The following ZDHHC14 variants were observed in gnomAD, a reference collection of about 807,000 sequenced individuals.
The protein encoded by ZDHHC14 is zDHHC palmitoyltransferase 14, also known as palmitoyltransferase ZDHHC14.
Under a neutral mutation model 47.7 loss-of-function variants are expected in ZDHHC14, and 16 were observed. That is an observed-to-expected ratio of 0.34 (90% CI 0.23 to 0.51). The LOEUF is 0.51. Among genes scored for constraint, ZDHHC14 ranks in the 20% least tolerant of loss-of-function variants. ZDHHC14 has a pLI of 0.97. For synonymous variants in ZDHHC14, 293 were observed against 278.9 expected, an observed-to-expected ratio of 1.05 and a Z score of -0.50; for missense variants, 515 against 662.5, an observed-to-expected ratio of 0.78 and a Z score of 2.44.
At chr6:157,611,749 A>G (rs1562507472) in intron 3 of ZDHHC14, among the ~76,000 whole-genome samples, 2 of 152,202 alleles carry the variant, frequency 1.3e-5, no homozygotes, top group Non-Finnish European at 2.9e-5. Context: ...AAAAGCCACA[A>G]GCGATTGCTT....
chr6:157,672,021 A>G (rs946664488), intron 8 of ZDHHC14, among the ~76,000 whole-genome samples: 2 of 152,110 alleles, frequency 1.3e-5, no homozygotes, highest in East Asian at 3.8e-4. Context: ...CTCCCGCCCC[A>G]GCAGCCACCA....
chr6:157,652,685 T>G (rs138913310), intron 7 of ZDHHC14, among the ~76,000 whole-genome samples: 2 of 152,192 alleles, frequency 1.3e-5, no homozygotes, highest in East Asian at 3.9e-4. Context: ...TCAAGAAGAA[T>G]TTTGCGCAGC....
chr6:157,594,054 G>A lies in ZDHHC14; in HGVS notation c.565+908G>A, dbSNP rs201795146. 5.3e-5 allele frequency among the ~76,000 whole-genome samples: 8 copies of A among 152,326 alleles called. No homozygotes were observed. In the South Asian group the frequency reaches 1.7e-3, roughly 32 times the overall value. Reference sequence around the variant, plus strand: ...CTGTTACCTCGTAACTGAAAGGATAGGAGTGCACCTCAGAACAAACCTAGC... The same window carrying A: ...CTGTTACCTCGTAACTGAAAGGATAAGAGTGCACCTCAGAACAAACCTAGC... On this transcript the variant is annotated intron_variant, in intron 3 of 8. Coordinates refer to ENST00000359775, the MANE Select transcript of ZDHHC14 (RefSeq NM_024630.3).
At chr6:157,588,802 A>G (rs984839364) in intron 2 of ZDHHC14, among the ~76,000 whole-genome samples, 1 of 152,118 alleles carries the variant, frequency 6.6e-6, no homozygotes, top group Non-Finnish European at 1.5e-5. Flanking sequence ...GGCACCCCAC[A>G]GTGGGGTTCT....
At chr6:157,625,647 C>T (rs1206368807) in intron 3 of ZDHHC14, among the ~76,000 whole-genome samples, 1 of 151,938 alleles carries the variant, frequency 6.6e-6, no homozygotes, top group Admixed American at 6.6e-5. Flanking sequence ...GTGAGAACTC[C>T]GGCCTGAGGA....
intron 8 of ZDHHC14, among the ~76,000 whole-genome samples, chr6:157,657,762 A>G (rs1016242814): frequency 1.3e-5 from 2 of 152,248 alleles, no homozygotes; most frequent in Non-Finnish European, 2.9e-5. Flanking sequence ...CCAGCCAGTG[A>G]TAAAAGCTGT....
intron 3 of ZDHHC14, among the ~76,000 whole-genome samples, chr6:157,598,511 C>T (rs968433186): frequency 2.6e-5 from 4 of 151,912 alleles, no homozygotes; most frequent in African/African-American, 9.7e-5. Context: ...AAGAGCAGAC[C>T]AAGGAGAACT....
chr6:157,384,998 T>C (rs1777283367), intron 1 of ZDHHC14, among the ~76,000 whole-genome samples: 1 of 152,234 alleles, frequency 6.6e-6, no homozygotes, highest in Non-Finnish European at 1.5e-5. Flanking sequence ...CCCAGGCTGG[T>C]CTTGAACTTC....
chr6:157,434,747 C>T (rs775026140), intron 1 of ZDHHC14, among the ~76,000 whole-genome samples: 6 of 152,092 alleles, frequency 3.9e-5, no homozygotes, highest in Non-Finnish European at 7.4e-5. Flanking sequence ...GGGGAGGAGC[C>T]GGACTTTTAA....
intron 5 of ZDHHC14, among the ~76,000 whole-genome samples, chr6:157,640,766 G>T (rs1777210238): frequency 6.6e-6 from 1 of 152,224 alleles, no homozygotes; most frequent in African/African-American, 2.4e-5. Flanking sequence ...TGGGAAGGAG[G>T]TTGTTTGCTT....
chr6:157,440,548 A>G (rs1015482231), intron 1 of ZDHHC14, among the ~76,000 whole-genome samples: 5 of 152,250 alleles, frequency 3.3e-5, no homozygotes, highest in African/African-American at 4.8e-5. Context: ...TAGCAATTCC[A>G]TTTCTAGGAA....
At chr6:157,434,242 T>A (rs71551113) in intron 1 of ZDHHC14, among the ~76,000 whole-genome samples, 87,078 of 148,928 alleles carry the variant, frequency 0.58, 26,502 homozygotes, top group African/African-American at 0.77. Flanking sequence ...ATATAATTCT[T>A]TTATATGTTG....
intron 1 of ZDHHC14, among the ~76,000 whole-genome samples, chr6:157,413,717 C>T (rs1379240186): frequency 2.0e-5 from 3 of 151,926 alleles, no homozygotes; most frequent in Admixed American, 2.0e-4. Context: ...AGCCTGTCTC[C>T]ATGGAGCCTC....
intron 2 of ZDHHC14, among the ~76,000 whole-genome samples, chr6:157,575,957 G>T (rs533027820): frequency 2.6e-5 from 4 of 152,190 alleles, no homozygotes; most frequent in Admixed American, 2.6e-4. Flanking sequence ...CCTGCGGCCC[G>T]CCCTGGCCCT....
chr6:157,407,958 C>A (rs1417980553), intron 1 of ZDHHC14, among the ~76,000 whole-genome samples: 1 of 152,052 alleles, frequency 6.6e-6, no homozygotes, highest in Admixed American at 6.5e-5. Flanking sequence ...TAAGTGCTGC[C>A]GTGTTGCTAG....
At chr6:157,589,191 A>G (rs1783813372) in intron 2 of ZDHHC14, among the ~76,000 whole-genome samples, 2 of 152,128 alleles carry the variant, frequency 1.3e-5, no homozygotes. Flanking sequence ...AGAGGGTGCA[A>G]GGGGAGGTGC....
rs137903666 is a variant in ZDHHC14 at position 157,432,583 on chromosome 6, A to T, written c.245+50317A>T. Among the ~76,000 whole-genome samples the T allele has an allele frequency of 1.7e-3, 260 of 152,260 alleles. 2 individuals are homozygous for T. Among genetic ancestry groups the T allele is most frequent in the African/African-American group, 6.0e-3 (251 of 41,540 alleles). On this transcript the variant is annotated intron_variant, in intron 1 of 8. Transcript: ENST00000359775. ...CGTTGCCTGGTAGCCTTCCAATAGG[A>T]GGTGGTTTCTTGGATCATTTCCATT...
intron 1 of ZDHHC14, among the ~76,000 whole-genome samples, chr6:157,465,581 C>T (rs984049598): frequency 6.6e-6 from 1 of 151,836 alleles, no homozygotes; most frequent in African/African-American, 2.4e-5. Context: ...TAGTTAATGC[C>T]GTTCTATTTA....
intron 2 of ZDHHC14, among the ~76,000 whole-genome samples, chr6:157,587,531 G>A (rs1041783267): frequency 6.6e-6 from 1 of 152,128 alleles, no homozygotes; most frequent in African/African-American, 2.4e-5. Flanking sequence ...TGCTTGGCAG[G>A]GCAAGGCCAC....
Sources: gnomAD v4.1 joint callset for allele counts (sites outside exome capture counted in the v4.1 genomes callset) on GRCh38, gnomAD v4.1.1 for gene constraint, MANE v1.5 for transcripts, NCBI Gene and HGNC (gene_info 2026-07-23, HGNC 2026-07-21) for gene names.